RALGAPB: variants seen among roughly 807,000 people sequenced by gnomAD.
The protein encoded by RALGAPB is Ral GTPase activating protein non-catalytic subunit beta.
Under a neutral mutation model 161.1 loss-of-function variants are expected in RALGAPB, and 25 were observed. The observed-to-expected ratio is 0.16, with a 90% CI of 0.11 to 0.22. The LOEUF (loss-of-function observed/expected upper bound fraction) is 0.22, where lower values mean the gene tolerates loss of function less well. RALGAPB is among the 10% of genes least tolerant of loss of function. The pLI, the probability that RALGAPB is intolerant of heterozygous loss-of-function variation, is 1.00. For missense variants in RALGAPB, 1,391 were observed against 1,815.2 expected (o/e 0.77, Z 4.25); for synonymous variants, 629 against 626.1 (o/e 1.00, Z -0.07).
chr20:38,474,152 G>C (rs1173012990), intron 1 of RALGAPB, among the ~76,000 whole-genome samples: 1 of 152,176 alleles, frequency 6.6e-6, no homozygotes, highest in East Asian at 1.9e-4. Context: ...AGTACTTATA[G>C]GTGTAGCGTC....
chr20:38,561,864 A>G (rs892365727), intron 23 of RALGAPB, among the ~76,000 whole-genome samples: 1 of 152,160 alleles, frequency 6.6e-6, no homozygotes, highest in African/African-American at 2.4e-5. Context: ...AATGTCTCCA[A>G]ATGTTGGATG....
At position 38,565,269 on chromosome 20, in the gene RALGAPB, T is replaced by C. The variant is rs930621782; in HGVS notation, c.3698-90T>C. The C allele has an allele frequency of 2.4e-5, 34 of 1,446,134 alleles. No individual in the cohort carries two copies. In the Middle Eastern group the frequency reaches 7.2e-4, roughly 31 times the overall value. The allele number at this position is 1,446,134 out of a possible 1,614,324, so 89.6% of individuals were successfully genotyped here. ...AAAACATATATTCTATTTATCACTT[T>C]ATTAACCAGTTAACATTTCATGTAG... On this transcript the variant is annotated intron_variant, in intron 24 of 29. Coordinates refer to ENST00000262879, the MANE Select transcript of RALGAPB (RefSeq NM_020336.4).
intron 6 of RALGAPB, among the ~76,000 whole-genome samples, chr20:38,514,753 TG>T (rs2086076131): frequency 6.6e-6 from 1 of 152,256 alleles, no homozygotes; most frequent in South Asian, 2.1e-4. Flanking sequence ...TATGCCCACC[TG>T]CCCTTTAGGC....
At chr20:38,490,994 T>G (rs1371589661) in intron 2 of RALGAPB, among the ~76,000 whole-genome samples, 1 of 152,196 alleles carries the variant, frequency 6.6e-6, no homozygotes, top group Non-Finnish European at 1.5e-5. Flanking sequence ...AAAGATATCT[T>G]CTTGGTTTTT....
rs990827 is a variant in RALGAPB, at chr20:38,575,170, C to T, written c.*203C>T. ...TGAAATGGGCTCCCAGACACAATCACACTCCTGCTGATAATGATGATATAC... is the reference window on the plus strand; with the variant it reads ...TGAAATGGGCTCCCAGACACAATCATACTCCTGCTGATAATGATGATATAC... On this transcript the variant is annotated 3_prime_UTR_variant, in exon 30 of 30. Transcript: ENST00000262879. 1 allele frequency: 549,733 copies of T among 550,852 alleles called. 274,312 individuals carry two copies. Among genetic ancestry groups the T allele is most frequent in the Middle Eastern group, 1 (2,070 of 2,070 alleles). The allele number at this position is 550,852 out of a possible 1,614,324, so 34.1% of individuals were successfully genotyped here.
chr20:38,491,936 T>C (rs1339051328), intron 2 of RALGAPB, among the ~76,000 whole-genome samples: 1 of 152,252 alleles, frequency 6.6e-6, no homozygotes, highest in Non-Finnish European at 1.5e-5. Flanking sequence ...GCTTAGTAAT[T>C]TGTCTCAAAG....
chr20:38,478,094 C>T (rs1455646171), intron 1 of RALGAPB, among the ~76,000 whole-genome samples: 1 of 152,172 alleles, frequency 6.6e-6, no homozygotes, highest in Non-Finnish European at 1.5e-5. Flanking sequence ...TGCACTGTAG[C>T]CTGGGCGACA....
chr20:38,487,775 A>G (rs1245929325), intron 1 of RALGAPB, among the ~76,000 whole-genome samples: 1 of 152,190 alleles, frequency 6.6e-6, no homozygotes, highest in African/African-American at 2.4e-5. Context: ...ATCATAACAA[A>G]TGTATTTTCC....
chr20:38,522,993 TC>T (rs1250585956), intron 10 of RALGAPB, among the ~76,000 whole-genome samples: 1 of 152,128 alleles, frequency 6.6e-6, no homozygotes, highest in Non-Finnish European at 1.5e-5. Flanking sequence ...GCTTCTGAGT[TC>T]CCAGTTTTCA....
intron 18 of RALGAPB, among the ~76,000 whole-genome samples, chr20:38,543,328 T>C (rs2087038302): frequency 6.6e-6 from 1 of 152,252 alleles, no homozygotes; most frequent in South Asian, 2.1e-4. Flanking sequence ...CCCATGTACA[T>C]GAGCCAGTGA....
chr20:38,544,216 A>G (rs954337577), intron 18 of RALGAPB, among the ~76,000 whole-genome samples: 3 of 152,216 alleles, frequency 2.0e-5, no homozygotes, highest in Non-Finnish European at 4.4e-5. Flanking sequence ...ACATTGAGCT[A>G]AAATCTCTCC....
At position 38,555,937 on chromosome 20, in the gene RALGAPB, T is replaced by C. The variant is rs973854089; in HGVS notation, c.3372+1861T>C. Among the ~76,000 whole-genome samples the C allele has an allele frequency of 4.6e-5, 7 of 152,174 alleles. No individual in the cohort carries two copies. In the South Asian group the frequency reaches 6.2e-4, roughly 14 times the overall value. On this transcript the variant is annotated intron_variant, in intron 22 of 29. Transcript: ENST00000262879. ...AGCATGTTAAGTGAATTGTTTTCCA[T>C]GATCAAATAAGGTTTATCCCAGGAA...
intron 21 of RALGAPB, among the ~76,000 whole-genome samples, chr20:38,552,253 A>G (rs6128409): frequency 0.64 from 97,565 of 151,296 alleles, 36,323 homozygotes; most frequent in East Asian, 0.91. Flanking sequence ...TGATTCTCCT[A>G]CCTCAGCCTC....
At chr20:38,554,473 A>C (rs138398004) in intron 22 of RALGAPB, among the ~76,000 whole-genome samples, 8 of 152,370 alleles carry the variant, frequency 5.3e-5, no homozygotes, top group African/African-American at 1.9e-4. Context: ...TGCCACTTTT[A>C]GAAAAGAATG....
chr20:38,550,267 A>T (rs1241637779), intron 20 of RALGAPB, among the ~76,000 whole-genome samples: 1 of 152,252 alleles, frequency 6.6e-6, no homozygotes, highest in African/African-American at 2.4e-5. Context: ...CACATTATGC[A>T]CATGTACCCT....
At position 38,531,202 on chromosome 20, in the gene RALGAPB, T is replaced by A. The variant is rs762330570; in HGVS notation, c.2086T>A (p.Leu696Met). 1 of 1,610,960 alleles carries A rather than the reference T, an allele frequency of 6.2e-7. No individual in the cohort carries two copies. The highest frequency in any genetic ancestry group is 8.5e-7 in the Non-Finnish European group (1 of 1,177,258). The stretch of plus-strand genomic sequence containing the variant: ...AAATATTGTTCAAGATTCAGCACTT[T>A]TGGAAGCCATTGGTTGCCAGATGGA... Reference protein sequence around the residue: ...MLNIVQDSALLEAIGCQMEMG... With the variant: ...MLNIVQDSALMEAIGCQMEMG... The change falls in exon 14 of 30, where the codon TTG becomes ATG. Residue 696 changes from leucine (L) to methionine (M), a missense_variant. Physicochemically the swap from Leu to Met is conservative, Grantham distance 15. This residue lies in a region of RALGAPB where 946 missense variants were observed against 1,257.2 expected (regional missense o/e 0.75). Coordinates refer to ENST00000262879, the MANE Select transcript of RALGAPB (RefSeq NM_020336.4).
chr20:38,537,823 C>T (rs904648648), intron 16 of RALGAPB: 1 of 152,128 alleles, frequency 6.6e-6, no homozygotes, highest in Non-Finnish European at 1.5e-5. Flanking sequence ...TGAGCGAATT[C>T]TTCACTCAGA....
chr20:38,521,145 G>A (rs2086277670), intron 9 of RALGAPB, among the ~76,000 whole-genome samples: 1 of 152,010 alleles, frequency 6.6e-6, no homozygotes, highest in Non-Finnish European at 1.5e-5. Flanking sequence ...CATTCTGTAG[G>A]GGGAAGAAAA....
chr20:38,564,814 C>G (rs557739732), intron 24 of RALGAPB, among the ~76,000 whole-genome samples: 1 of 152,058 alleles, frequency 6.6e-6, no homozygotes, highest in Admixed American at 6.6e-5. Flanking sequence ...CCAGAGATAA[C>G]GCACATGTGC....
Sources: allele counts gnomAD v4.1 joint callset (sites outside exome capture counted in the v4.1 genomes callset), GRCh38; gene constraint gnomAD v4.1.1; regional missense constraint gnomAD v4.1.1; transcripts MANE v1.5; gene names NCBI Gene and HGNC (gene_info 2026-07-23, HGNC 2026-07-21).